MITF: variants seen among roughly 807,000 people sequenced by gnomAD.
MITF encodes the protein microphthalmia-associated transcription factor.
MITF carries 17 observed loss-of-function variants against 60.5 expected under a neutral mutation model. The observed-to-expected ratio is 0.28, with a 90% CI of 0.19 to 0.42. The LOEUF (loss-of-function observed/expected upper bound fraction) is 0.42, where lower values mean the gene tolerates loss of function less well. Ranked by LOEUF, MITF falls within the 10% of genes least tolerant of loss-of-function variation. The probability of loss-of-function intolerance (pLI) is 1.00; values close to 1 mark genes in which losing one functional copy is unlikely to be tolerated. For missense variants in MITF, 622 were observed against 683.5 expected, an observed-to-expected ratio of 0.91 and a Z score of 1.00; for synonymous variants, 260 against 248.5, an observed-to-expected ratio of 1.05 and a Z score of -0.43.
intron 1 of MITF, among the ~76,000 whole-genome samples, chr3:69,794,098 C>T (rs1051412351): frequency 1.3e-5 from 2 of 152,182 alleles, no homozygotes; most frequent in Non-Finnish European, 1.5e-5. Flanking sequence ...CTTTCCTCTC[C>T]TAGTATCTTT....
chr3:69,798,102 T>C (rs2106940648), intron 1 of MITF, among the ~76,000 whole-genome samples: 1 of 152,362 alleles, frequency 6.6e-6, no homozygotes, highest in Non-Finnish European at 1.5e-5. Context: ...GGCCTGTAAC[T>C]GATCTGGTTC....
At chr3:69,964,275 T>A (rs2066629149) in intron 9 of MITF, among the ~76,000 whole-genome samples, 1 of 152,196 alleles carries the variant, frequency 6.6e-6, no homozygotes, top group African/African-American at 2.4e-5. Flanking sequence ...CATTTAAAAC[T>A]TTATTTTTGT....
At chr3:69,787,142 T>C (rs1042304875) in intron 1 of MITF, among the ~76,000 whole-genome samples, 22 of 152,210 alleles carry the variant, frequency 1.4e-4, no homozygotes, top group African/African-American at 5.3e-4. Flanking sequence ...ACCGTTCTTA[T>C]TGGCCACACT....
At chr3:69,887,285 G>A (rs962132588) in intron 2 of MITF, among the ~76,000 whole-genome samples, 1 of 152,052 alleles carries the variant, frequency 6.6e-6, no homozygotes, top group African/African-American at 2.4e-5. Context: ...CAGTTAGCAC[G>A]CTTTTGAACA....
At chr3:69,762,494 C>T (rs546589414) in intron 1 of MITF, among the ~76,000 whole-genome samples, 3 of 152,294 alleles carry the variant, frequency 2.0e-5, no homozygotes, top group South Asian at 2.1e-4. Context: ...GAGATATTAT[C>T]GACAGGGACT....
intron 1 of MITF, among the ~76,000 whole-genome samples, chr3:69,830,609 A>G (rs1213559196): frequency 3.9e-5 from 6 of 152,118 alleles, no homozygotes; most frequent in African/African-American, 1.2e-4. Flanking sequence ...CCCCATCCCG[A>G]TGCTTCATCA....
At position 69,924,568 on chromosome 3, in the gene MITF, G is replaced by A. The variant is rs533615219; in HGVS notation, c.355-13254G>A. On this transcript the variant is annotated intron_variant, in intron 2 of 9. Coordinates refer to ENST00000352241, the MANE Select transcript of MITF (RefSeq NM_001354604.2). Reference sequence around the variant, plus strand: ...GAGTGAATAATAGAATGAACCCTTCGCGTAACCCATCACCCAGCTTCGAGA... The same window carrying A: ...GAGTGAATAATAGAATGAACCCTTCACGTAACCCATCACCCAGCTTCGAGA... Among the ~76,000 whole-genome samples, 23 of 152,268 alleles carry A rather than the reference G, an allele frequency of 1.5e-4. No individual in the cohort carries two copies. In the East Asian group the frequency reaches 3.1e-3, roughly 20 times the overall value.
At chr3:69,778,137 A>G (rs1352185099) in intron 1 of MITF, among the ~76,000 whole-genome samples, 2 of 152,120 alleles carry the variant, frequency 1.3e-5, no homozygotes, top group Non-Finnish European at 2.9e-5. Context: ...TTAAGTGGTA[A>G]GAGAGAGCAA....
intron 8 of MITF, among the ~76,000 whole-genome samples, chr3:69,957,776 C>T (rs1029175472): frequency 2.0e-5 from 3 of 152,246 alleles, no homozygotes; most frequent in African/African-American, 4.8e-5. Context: ...CTTCTTTCCC[C>T]GTTGTATTAG....
chr3:69,773,846 A>G (rs1247808649), intron 1 of MITF, among the ~76,000 whole-genome samples: 1 of 152,182 alleles, frequency 6.6e-6, no homozygotes, highest in African/African-American at 2.4e-5. Flanking sequence ...CCTTAATACT[A>G]TTTTTTGTTA....
intron 1 of MITF, among the ~76,000 whole-genome samples, chr3:69,760,909 G>T (rs1219343104): frequency 6.6e-6 from 1 of 152,168 alleles, no homozygotes; most frequent in Admixed American, 6.5e-5. Flanking sequence ...CATTAACTGA[G>T]TACTTGTTGG....
intron 1 of MITF, among the ~76,000 whole-genome samples, chr3:69,857,266 A>G (rs957883532): frequency 6.6e-6 from 1 of 152,118 alleles, no homozygotes; most frequent in Admixed American, 6.6e-5. Flanking sequence ...CATAGAGAGG[A>G]AAGTGTGGGC....
intron 2 of MITF, among the ~76,000 whole-genome samples, chr3:69,930,372 G>A (rs767693708): frequency 3.3e-5 from 5 of 152,190 alleles, no homozygotes; most frequent in African/African-American, 4.8e-5. Flanking sequence ...CCAGGCAAGT[G>A]TGGTAAATCG....
At chr3:69,923,563 C>A (rs767822932) in intron 2 of MITF, among the ~76,000 whole-genome samples, 1 of 152,138 alleles carries the variant, frequency 6.6e-6, no homozygotes, top group Non-Finnish European at 1.5e-5. Context: ...CTGAAGTGAT[C>A]GGCCTGCCTT....
intron 9 of MITF, 97 bp downstream of exon 9, chr3:69,959,517 G>T: frequency 2.1e-6 from 3 of 1,413,254 alleles, no homozygotes; most frequent in Non-Finnish European, 3.0e-6. Flanking sequence ...TGACTTACGT[G>T]ATCCTAACAC....
chr3:69,853,363 T>C (rs13071701), intron 1 of MITF, among the ~76,000 whole-genome samples: 46,930 of 151,920 alleles, frequency 0.31, 8,715 homozygotes, highest in Non-Finnish European at 0.42. Flanking sequence ...CTTCTTAATG[T>C]CTTTAAAGAG....
intron 1 of MITF, among the ~76,000 whole-genome samples, chr3:69,768,118 ATGAT>A (rs2062330354): frequency 6.6e-6 from 1 of 152,194 alleles, no homozygotes; most frequent in African/African-American, 2.4e-5. Flanking sequence ...CAAAAAGAAA[ATGAT>A]TGATTACTAA....
At chr3:69,875,066 A>G (rs1476550173) in intron 1 of MITF, among the ~76,000 whole-genome samples, 2 of 152,126 alleles carry the variant, frequency 1.3e-5, no homozygotes, top group African/African-American at 2.4e-5. Flanking sequence ...AACTGACCCA[A>G]TCCCTGCAGC....
intron 5 of MITF, 67 bp from the exon 6 acceptor site, chr3:69,948,984 G>C: frequency 1.7e-6 from 2 of 1,170,866 alleles, no homozygotes; most frequent in South Asian, 1.2e-5. Context: ...GTAGGATATA[G>C]GTTTTATCTG....
Sources: allele counts gnomAD v4.1 joint callset (sites outside exome capture counted in the v4.1 genomes callset), GRCh38; gene constraint gnomAD v4.1.1; transcripts MANE v1.5; gene names NCBI Gene and HGNC (gene_info 2026-07-23, HGNC 2026-07-21).